Variants in CPM observed in about 807,000 individuals in gnomAD.
CPM encodes carboxypeptidase M.
In CPM, 35 loss-of-function variants were observed where a neutral mutation model predicts 46.4. The ratio of observed to expected loss-of-function variants is 0.75; its 90% CI spans 0.58 to 1.00. CPM has a LOEUF of 1.00. Ranked by LOEUF, CPM falls within the 50% of genes least tolerant of loss-of-function variation. CPM has a pLI of 0.00. For missense variants in CPM, 422 were observed against 530.4 expected (o/e 0.80, Z 2.01); for synonymous variants, 195 against 195.3 (o/e 1.00, Z 0.01).
At chr12:68,956,821 A>G (rs1889027891) in intron 1 of CPM, among the ~76,000 whole-genome samples, 1 of 152,212 alleles carries the variant, frequency 6.6e-6, no homozygotes, top group African/African-American at 2.4e-5. Flanking sequence ...TAGACATAAA[A>G]TGTGATTTCT....
intron 2 of CPM, among the ~76,000 whole-genome samples, chr12:68,889,024 A>G (rs1291463205): frequency 4.6e-5 from 7 of 152,226 alleles, no homozygotes; most frequent in African/African-American, 7.2e-5. Flanking sequence ...CCCACATCAG[A>G]GGCACCTGGG....
intron 6 of CPM, 125 bp from the exon 7 acceptor site, chr12:68,867,173 T>A: frequency 1.1e-6 from 1 of 945,770 alleles, no homozygotes; most frequent in South Asian, 1.5e-5. Context: ...TTTGACATAT[T>A]AGCTTGTAAA....
At chr12:68,917,588 C>T (rs1887863343) in intron 2 of CPM, among the ~76,000 whole-genome samples, 1 of 152,220 alleles carries the variant, frequency 6.6e-6, no homozygotes. Context: ...TCTTTGGGAA[C>T]ACCTGCAGTC....
At chr12:68,951,775 A>G (rs1888939082) in intron 1 of CPM, among the ~76,000 whole-genome samples, 1 of 152,166 alleles carries the variant, frequency 6.6e-6, no homozygotes, top group African/African-American at 2.4e-5. Flanking sequence ...CTCATGGAAT[A>G]ACCTAGACTG....
At chr12:68,886,348 C>T (rs1886426993) in intron 2 of CPM, among the ~76,000 whole-genome samples, 1 of 151,696 alleles carries the variant, frequency 6.6e-6, no homozygotes, top group Non-Finnish European at 1.5e-5. Flanking sequence ...AAAAGTAACT[C>T]AGGGCCAGGC....
rs140719847 is a variant in CPM, at chr12:68,930,181, C to T, written c.160+2497G>A. 9.1e-4 allele frequency among the ~76,000 whole-genome samples: 138 copies of T among 152,260 alleles called. 1 individual carries two copies. Among genetic ancestry groups the T allele is most frequent in the Middle Eastern group, 3.4e-3 (1 of 294 alleles). On this transcript the variant is annotated intron_variant, in intron 2 of 8. Coordinates refer to ENST00000551568, the MANE Select transcript of CPM (RefSeq NM_198320.5). ...CTGCAACCTCTGCCTCCTGGGTTCA[C>T]GCTATTCTCCGGTCTCAGCCTCTCT...
chr12:68,946,586 C>A (rs1469993153), intron 1 of CPM, among the ~76,000 whole-genome samples: 2 of 152,120 alleles, frequency 1.3e-5, no homozygotes, highest in African/African-American at 2.4e-5. Context: ...AACAAGGTGG[C>A]CAGTTTTTCC....
intron 2 of CPM, among the ~76,000 whole-genome samples, chr12:68,899,190 T>C (rs1251922030): frequency 6.6e-6 from 1 of 152,228 alleles, no homozygotes; most frequent in African/African-American, 2.4e-5. Flanking sequence ...GAAGGGGCTA[T>C]TTTGAGAGAA....
chr12:68,846,536 G>T (rs1884310361), downstream of CPM: 1 of 152,116 alleles, frequency 6.6e-6, no homozygotes. Context: ...CTTCCTTCAA[G>T]ATCACAGTAA....
At chr12:68,920,530 C>G (rs969982156) in intron 2 of CPM, among the ~76,000 whole-genome samples, 2 of 152,098 alleles carry the variant, frequency 1.3e-5, no homozygotes, top group Non-Finnish European at 2.9e-5. Context: ...TGTGTATTTC[C>G]AAAACTGTGC....
intron 1 of CPM, among the ~76,000 whole-genome samples, chr12:68,939,589 AAACT>A (rs1888729653): frequency 6.6e-6 from 1 of 151,998 alleles, no homozygotes; most frequent in Non-Finnish European, 1.5e-5. Context: ...AATTTTCTAC[AAACT>A]AACATTTGAA....
intron 1 of CPM, among the ~76,000 whole-genome samples, chr12:68,939,530 T>C (rs1888728768): frequency 6.6e-6 from 1 of 151,982 alleles, no homozygotes; most frequent in Non-Finnish European, 1.5e-5. Flanking sequence ...TTTTCATCTG[T>C]GCAGGACAGA....
intron 7 of CPM, among the ~76,000 whole-genome samples, chr12:68,864,676 G>A (rs988644217): frequency 6.6e-6 from 1 of 152,044 alleles, no homozygotes; most frequent in Non-Finnish European, 1.5e-5. Context: ...TCACTTGCAC[G>A]CCCATACCCA....
At chr12:68,871,694 C>T (rs1360002972) in intron 4 of CPM, 90 bp downstream of exon 4, 4 of 1,384,710 alleles carry the variant, frequency 2.9e-6, no homozygotes, top group South Asian at 1.3e-5. Context: ...CTCACCATGA[C>T]ACATCTCCTC....
chr12:68,875,275 T>C (rs111344384), intron 3 of CPM, among the ~76,000 whole-genome samples: 17,045 of 151,242 alleles, frequency 0.11, 2,019 homozygotes, highest in African/African-American at 0.29. Flanking sequence ...CGCTTGAACC[T>C]GGGAAGCAGA....
At chr12:68,866,546 G>C (rs1885456533) in intron 7 of CPM, among the ~76,000 whole-genome samples, 1 of 152,286 alleles carries the variant, frequency 6.6e-6, no homozygotes, top group South Asian at 2.1e-4. Context: ...GTTTCGCCTT[G>C]TTGGCCAGGC....
Position 68,910,414 on chromosome 12 carries a change from T to C in CPM, c.160+22264A>G, listed in dbSNP as rs117024340. On this transcript the variant is annotated intron_variant, in intron 2 of 8. Coordinates refer to ENST00000551568, the MANE Select transcript of CPM (RefSeq NM_198320.5). ...AGCATATGGAAATGCACATCAACTT[T>C]TTTTTTACTTCACAATATATTCTGG... 3.3e-3 allele frequency among the ~76,000 whole-genome samples: 496 copies of C among 152,286 alleles called. 8 individuals carry two copies. In the East Asian group the frequency reaches 0.045, roughly 14 times the overall value.
intron 1 of CPM, among the ~76,000 whole-genome samples, chr12:68,959,466 C>T (rs1889077431): frequency 6.6e-6 from 1 of 152,090 alleles, no homozygotes; most frequent in Non-Finnish European, 1.5e-5. Context: ...GCTGTTAATT[C>T]TTCAAAACTT....
intron 1 of CPM, among the ~76,000 whole-genome samples, chr12:68,940,534 T>C (rs2136330088): frequency 6.7e-6 from 1 of 149,428 alleles, no homozygotes; most frequent in South Asian, 2.2e-4. Context: ...GTGAAGACAT[T>C]GTTCTGTCAG....
Sources: gnomAD v4.1 joint callset for allele counts (sites outside exome capture counted in the v4.1 genomes callset) on GRCh38, gnomAD v4.1.1 for gene constraint, MANE v1.5 for transcripts, NCBI Gene and HGNC (gene_info 2026-07-23, HGNC 2026-07-21) for gene names.